Variants in DNAH5 observed in about 807,000 individuals in gnomAD.
DNAH5 encodes the protein axonemal beta dynein heavy chain 5.
In DNAH5, 372 loss-of-function variants were observed where a neutral mutation model predicts 518.2. The observed-to-expected ratio is 0.72, with a 90% CI of 0.66 to 0.78. The LOEUF (loss-of-function observed/expected upper bound fraction) is 0.78, where lower values mean the gene tolerates loss of function less well. Ranked by LOEUF, DNAH5 falls within the 30% of genes least tolerant of loss-of-function variation. The pLI, the probability that DNAH5 is intolerant of heterozygous loss-of-function variation, is 0.00. For synonymous variants in DNAH5, 2,039 were observed against 2,025.9 expected, an observed-to-expected ratio of 1.01 and a Z score of -0.17; for missense variants, 5,523 against 5,687.0, an observed-to-expected ratio of 0.97 and a Z score of 0.93.
In DNAH5 at chr5:13,824,466, T is replaced by C; in HGVS notation, c.6445-133A>G. The stretch of plus-strand genomic sequence containing the variant: ...TCCTTCAGAAAATGCATACACACAA[T>C]GGGGTAAAATATTTCTATATAGATA... On this transcript the variant is annotated intron_variant, in intron 38 of 78. Coordinates refer to ENST00000265104, the MANE Select transcript of DNAH5 (RefSeq NM_001369.3). The C allele has an allele frequency of 4.9e-6, 4 of 822,858 alleles. No individual in the cohort carries two copies. The South Asian group carries it at 6.2e-5, about 13-fold the overall frequency. The allele number at this position is 822,858 out of a possible 1,614,324, so 51.0% of individuals were successfully genotyped here.
intron 47 of DNAH5, among the ~76,000 whole-genome samples, chr5:13,802,623 G>C (rs934819888): frequency 1.3e-4 from 20 of 152,176 alleles, no homozygotes; most frequent in African/African-American, 4.8e-4. Flanking sequence ...ACAAGACAAA[G>C]GGAGGAAAGC....
intron 32 of DNAH5, 41 bp downstream of exon 32, chr5:13,844,796 A>C: frequency 6.2e-7 from 1 of 1,613,608 alleles, no homozygotes; most frequent in Non-Finnish European, 8.5e-7. Context: ...TGAGGTTCGA[A>C]GGTACGGTGA....
chr5:13,975,415 C>G (rs1162177688), intron 1 of DNAH5, among the ~76,000 whole-genome samples: 1 of 152,200 alleles, frequency 6.6e-6, no homozygotes, highest in Non-Finnish European at 1.5e-5. Context: ...CAAACCATAT[C>G]TGGCACCAAC....
upstream of DNAH5, among the ~76,000 whole-genome samples, chr5:13,946,721 C>T (rs534771947): frequency 9.7e-4 from 148 of 152,290 alleles, no homozygotes; most frequent in Non-Finnish European, 1.6e-3. Flanking sequence ...TACACAAATC[C>T]TGTCAGACAT....
At position 13,794,022 on chromosome 5, in the gene DNAH5, T is replaced by C. The variant is rs375094026; in HGVS notation, c.7924A>G (p.Thr2642Ala). Residue 2642 changes from threonine to alanine, a missense_variant, in exon 48 of 79, where the codon ACA becomes GCA. This residue lies in a region of DNAH5 where 5,121 missense variants were observed against 5,223.3 expected (regional missense o/e 0.98). Coordinates refer to ENST00000265104, the MANE Select transcript of DNAH5 (RefSeq NM_001369.3). ...IESYVDKRMG[T>A]TYGPPAGKKM... Reference sequence around the variant, plus strand: ...TTTCCCGCAGGAGGGCCATATGTTGTACCCATTCGTTTATCCACATAGCTC... The same window carrying C: ...TTTCCCGCAGGAGGGCCATATGTTGCACCCATTCGTTTATCCACATAGCTC... The C allele has an allele frequency of 1.8e-4, 292 of 1,614,148 alleles. 3 individuals carry two copies. The South Asian group carries it at 2.7e-3, about 15-fold the overall frequency.
intron 70 of DNAH5, among the ~76,000 whole-genome samples, chr5:13,725,280 G>T (rs933490598): frequency 9.2e-5 from 14 of 152,224 alleles, no homozygotes; most frequent in African/African-American, 3.4e-4. Flanking sequence ...TTAAGCTGTT[G>T]CTTGGATGAT....
chr5:13,701,497 C>A, intron 76 of DNAH5, 61 bp from the exon 77 acceptor site: 1 of 1,385,824 alleles, frequency 7.2e-7, no homozygotes, highest in Non-Finnish European at 1.0e-6. Flanking sequence ...TGTAAACCAG[C>A]TATGTTCACT....
chr5:13,974,746 C>T (rs961063073), intron 1 of DNAH5, among the ~76,000 whole-genome samples: 2 of 152,132 alleles, frequency 1.3e-5, no homozygotes, highest in Non-Finnish European at 2.9e-5. Context: ...TTCCATGAGT[C>T]GGCAGCCACA....
chr5:13,996,586 G>T (rs1056008505), intron 1 of DNAH5, among the ~76,000 whole-genome samples: 5 of 152,242 alleles, frequency 3.3e-5, no homozygotes, highest in African/African-American at 9.6e-5. Context: ...AAAGAAGAAA[G>T]AAGTGACAGG....
chr5:13,748,118 C>T (rs1285469878), intron 65 of DNAH5, among the ~76,000 whole-genome samples: 2 of 152,180 alleles, frequency 1.3e-5, no homozygotes, highest in Non-Finnish European at 2.9e-5. Context: ...TTTCCCAGCA[C>T]CATTTGTTAA....
chr5:13,999,251 C>A (rs1429931644), intron 1 of DNAH5, among the ~76,000 whole-genome samples: 1 of 152,216 alleles, frequency 6.6e-6, no homozygotes, highest in Non-Finnish European at 1.5e-5. Flanking sequence ...AACAAATTTT[C>A]AAGTATACAT....
In DNAH5 at chr5:13,841,918, C is replaced by CA. The variant is rs35337694; in HGVS notation, c.5272-15dup. 120,269 of 577,834 alleles carry CA rather than the reference C, an allele frequency of 0.21. 12,534 individuals are homozygous for CA. The highest frequency in any genetic ancestry group is 0.28 in the African/African-American group (11,176 of 40,224). The allele number at this position is 577,834 out of a possible 1,614,324, so 35.8% of individuals were successfully genotyped here. A position where few individuals can be genotyped will look rare whatever the true frequency, so the allele number is the denominator to read the frequency against. Reference sequence around the variant, plus strand: ...TCGATCATAGATCTATGTTAGAAACCAAAAAAAAAAAAAAAAAAAGCTATA... The same window carrying CA: ...TCGATCATAGATCTATGTTAGAAACCAAAAAAAAAAAAAAAAAAAAGCTATA... On this transcript the variant is annotated splice_polypyrimidine_tract_variant and intron_variant, in intron 32 of 78. Transcript: ENST00000265104.
chr5:13,985,712 C>A (rs1048137346), intron 1 of DNAH5, among the ~76,000 whole-genome samples: 3 of 152,066 alleles, frequency 2.0e-5, no homozygotes, highest in Non-Finnish European at 4.4e-5. Flanking sequence ...AGAGAACTCA[C>A]CAGAAGACCC....
At chr5:13,756,342 T>C (rs1051018422) in intron 61 of DNAH5, among the ~76,000 whole-genome samples, 1 of 151,648 alleles carries the variant, frequency 6.6e-6, no homozygotes, top group Admixed American at 6.6e-5. Flanking sequence ...ATGCCCAGAT[T>C]TTTTTTTAAT....
At chr5:13,956,874 T>C (rs1306039960) in intron 1 of DNAH5, among the ~76,000 whole-genome samples, 1 of 152,202 alleles carries the variant, frequency 6.6e-6, no homozygotes, top group African/African-American at 2.4e-5. Context: ...TTACCATGGC[T>C]CAGCTAAGGT....
chr5:13,797,138 T>C (rs1454066558), intron 47 of DNAH5, among the ~76,000 whole-genome samples: 1 of 152,180 alleles, frequency 6.6e-6, no homozygotes, highest in Non-Finnish European at 1.5e-5. Context: ...GATACAGGCA[T>C]GGGCAAGGAC....
At chr5:13,815,967 G>T (rs1348376794) in intron 42 of DNAH5, among the ~76,000 whole-genome samples, 1 of 152,200 alleles carries the variant, frequency 6.6e-6, no homozygotes, top group Non-Finnish European at 1.5e-5. Context: ...TTCTGGCATG[G>T]TCTCCTGTGT....
chr5:13,827,547 A>G (rs1251545977), intron 38 of DNAH5, among the ~76,000 whole-genome samples: 1 of 82,618 alleles, frequency 1.2e-5, no homozygotes, highest in Non-Finnish European at 2.5e-5. Context: ...TTACAGGCTC[A>G]TAGGTAGAGG....
chr5:13,990,315 G>A (rs1783435694), intron 1 of DNAH5, among the ~76,000 whole-genome samples: 2 of 152,020 alleles, frequency 1.3e-5, no homozygotes, highest in African/African-American at 4.8e-5. Flanking sequence ...CACTTTGGGA[G>A]GCCGAGGCGG....
Sources: gnomAD v4.1 joint callset for allele counts (sites outside exome capture counted in the v4.1 genomes callset) on GRCh38, gnomAD v4.1.1 for gene constraint, gnomAD v4.1.1 regional missense constraint, MANE v1.5 for transcripts, NCBI Gene and HGNC (gene_info 2026-07-23, HGNC 2026-07-21) for gene names.